Variants in DACH1 observed in about 807,000 individuals in gnomAD.
DACH1 encodes dachshund homolog 1.
In DACH1, 12 loss-of-function variants were observed where a neutral mutation model predicts 54.2. The observed-to-expected ratio is 0.22, with a 90% CI of 0.14 to 0.36. The LOEUF is 0.36. Ranked by LOEUF, DACH1 falls within the 10% of genes least tolerant of loss-of-function variation. The probability of loss-of-function intolerance (pLI) is 1.00; values close to 1 mark genes in which losing one functional copy is unlikely to be tolerated. For synonymous variants in DACH1, 386 were observed against 366.2 expected (o/e 1.05, Z -0.62); for missense variants, 805 against 929.8 (o/e 0.87, Z 1.75).
intron 6 of DACH1, among the ~76,000 whole-genome samples, chr13:71,548,525 G>GA (rs1323610747): frequency 2.0e-5 from 3 of 151,892 alleles, no homozygotes; most frequent in Admixed American, 1.3e-4. Context: ...GTTCTTTGAG[G>GA]AAAAAAACAT....
At chr13:71,584,281 G>T (rs1847263763) in intron 3 of DACH1, among the ~76,000 whole-genome samples, 1 of 152,184 alleles carries the variant, frequency 6.6e-6, no homozygotes, top group Admixed American at 6.5e-5. Flanking sequence ...TAGTTAAAAT[G>T]ATCTGTGTAA....
chr13:71,604,624 T>C (rs187585323), intron 3 of DACH1, among the ~76,000 whole-genome samples: 3 of 151,906 alleles, frequency 2.0e-5, no homozygotes, highest in Admixed American at 1.3e-4. Flanking sequence ...GAAACAAAAA[T>C]ATAAAAACGT....
At chr13:71,703,909 C>G (rs1403768579) in intron 1 of DACH1, among the ~76,000 whole-genome samples, 1 of 152,050 alleles carries the variant, frequency 6.6e-6, no homozygotes, top group Admixed American at 6.6e-5. Flanking sequence ...AACAAATAAT[C>G]CAAGACCGTC....
At chr13:71,667,965 A>C (rs935972916) in intron 2 of DACH1, among the ~76,000 whole-genome samples, 8 of 152,150 alleles carry the variant, frequency 5.3e-5, no homozygotes, top group African/African-American at 1.9e-4. Context: ...ATTAAGCAAT[A>C]TAAGATAATA....
At chr13:71,464,208 T>C (rs554854357) in intron 10 of DACH1, among the ~76,000 whole-genome samples, 3 of 151,906 alleles carry the variant, frequency 2.0e-5, no homozygotes, top group Admixed American at 6.6e-5. Flanking sequence ...ATTTCAGCCA[T>C]AAAAATAACA....
chr13:71,440,649 AAAG>A lies in DACH1; in HGVS notation c.*3_*5del. The A allele has an allele frequency of 1.3e-6, 2 of 1,597,102 alleles. No homozygotes were observed. Among genetic ancestry groups the A allele is most frequent in the Non-Finnish European group, 1.7e-6 (2 of 1,173,042 alleles). ...CTATAACATGGATTTCTTCAACAGGAAAGATTCAGTACATGACAGTAGTTTTCA... is the reference window on the plus strand; with the variant it reads ...CTATAACATGGATTTCTTCAACAGGAATTCAGTACATGACAGTAGTTTTCA... On this transcript the variant is annotated 3_prime_UTR_variant, in exon 11 of 11. Coordinates refer to ENST00000613252, the MANE Select transcript of DACH1 (RefSeq NM_080759.6).
intron 5 of DACH1, among the ~76,000 whole-genome samples, chr13:71,557,764 C>T (rs1019383133): frequency 6.6e-6 from 1 of 150,730 alleles, no homozygotes; most frequent in Non-Finnish European, 1.5e-5. Flanking sequence ...CACCAAACAT[C>T]CATAACCTAA....
chr13:71,501,722 C>T (rs1879930353), intron 6 of DACH1, among the ~76,000 whole-genome samples: 7 of 152,060 alleles, frequency 4.6e-5, no homozygotes, highest in Admixed American at 4.6e-4. Flanking sequence ...TAACTTATAA[C>T]TTATTCTTTC....
intron 1 of DACH1, among the ~76,000 whole-genome samples, chr13:71,839,089 G>A (rs948024064): frequency 2.0e-5 from 3 of 152,242 alleles, no homozygotes; most frequent in African/African-American, 7.2e-5. Context: ...AGGTCTCTAT[G>A]TTTGACTTCC....
intron 1 of DACH1, among the ~76,000 whole-genome samples, chr13:71,817,199 G>A (rs1887994415): frequency 6.6e-6 from 1 of 152,176 alleles, no homozygotes. Context: ...TGACATTGAA[G>A]ATCAAATAGT....
chr13:71,450,169 C>CTTT (rs11379542), intron 10 of DACH1, among the ~76,000 whole-genome samples: 2 of 141,376 alleles, frequency 1.4e-5, no homozygotes, highest in Non-Finnish European at 3.1e-5. Flanking sequence ...GACACAGATA[C>CTTT]TTTTTTTTTT....
At chr13:71,614,347 G>A (rs985297603) in intron 3 of DACH1, among the ~76,000 whole-genome samples, 60 of 152,216 alleles carry the variant, frequency 3.9e-4, no homozygotes, top group Non-Finnish European at 7.8e-4. Context: ...TGCAAGAGTA[G>A]TTTCAAGAGA....
intron 1 of DACH1, among the ~76,000 whole-genome samples, chr13:71,762,173 C>T (rs1176425147): frequency 6.6e-6 from 1 of 152,058 alleles, no homozygotes; most frequent in Non-Finnish European, 1.5e-5. Flanking sequence ...GTATTGTATA[C>T]AAATGCACTA....
intron 10 of DACH1, among the ~76,000 whole-genome samples, chr13:71,468,301 C>T (rs2138155688): frequency 6.6e-6 from 1 of 152,204 alleles, no homozygotes; most frequent in South Asian, 2.1e-4. Context: ...TATTGCCCAG[C>T]ATGTGCTAAG....
intron 1 of DACH1, among the ~76,000 whole-genome samples, chr13:71,757,821 C>T (rs1029842167): frequency 9.2e-5 from 14 of 152,134 alleles, no homozygotes; most frequent in African/African-American, 3.4e-4. Flanking sequence ...CCACGCCTGG[C>T]CTTAAAGGTA....
chr13:71,553,969 T>G (rs990498458), intron 6 of DACH1, among the ~76,000 whole-genome samples: 3 of 151,986 alleles, frequency 2.0e-5, no homozygotes, highest in African/African-American at 4.8e-5. Flanking sequence ...GTCCTTTGAA[T>G]AATTTAGTTG....
chr13:71,814,634 T>C (rs1315971651), intron 1 of DACH1, among the ~76,000 whole-genome samples: 2 of 152,218 alleles, frequency 1.3e-5, no homozygotes, highest in East Asian at 1.9e-4. Flanking sequence ...TATCCAGTTA[T>C]CTGTTTTCTG....
chr13:71,816,959 A>C (rs1325349), intron 1 of DACH1, among the ~76,000 whole-genome samples: 96,221 of 151,728 alleles, frequency 0.63, 31,559 homozygotes, highest in East Asian at 0.88. Flanking sequence ...ACTAATGGGT[A>C]CTAGGCTTGA....
chr13:71,549,426 G>A (rs1417523873), intron 6 of DACH1, among the ~76,000 whole-genome samples: 1 of 151,940 alleles, frequency 6.6e-6, no homozygotes, highest in Non-Finnish European at 1.5e-5. Flanking sequence ...ATGCGGAAAA[G>A]GCATCTCATC....
Sources: gnomAD v4.1 joint callset for allele counts (sites outside exome capture counted in the v4.1 genomes callset) on GRCh38, gnomAD v4.1.1 for gene constraint, MANE v1.5 for transcripts, NCBI Gene and HGNC (gene_info 2026-07-23, HGNC 2026-07-21) for gene names.